TMEM132C: variants seen among roughly 807,000 people sequenced by gnomAD.
TMEM132C encodes the protein protein phosphatase 1, regulatory subunit 152.
Under a neutral mutation model 61.4 loss-of-function variants are expected in TMEM132C, and 29 were observed. That is an observed-to-expected ratio of 0.47 (90% CI 0.35 to 0.64). The LOEUF (loss-of-function observed/expected upper bound fraction) is 0.64, where lower values mean the gene tolerates loss of function less well. Among genes scored for constraint, TMEM132C ranks in the 30% least tolerant of loss-of-function variants. The probability of loss-of-function intolerance (pLI) is 0.00; values close to 1 mark genes in which losing one functional copy is unlikely to be tolerated. For missense variants in TMEM132C, 1,408 were observed against 1,476.9 expected, an observed-to-expected ratio of 0.95 and a Z score of 0.76; for synonymous variants, 656 against 633.1, an observed-to-expected ratio of 1.04 and a Z score of -0.54.
chr12:128,647,663 T>C (rs1954219660), intron 4 of TMEM132C, among the ~76,000 whole-genome samples: 1 of 151,216 alleles, frequency 6.6e-6, no homozygotes, highest in Admixed American at 6.6e-5. Flanking sequence ...TATGAGTGTG[T>C]TTACTGGAGT....
intron 2 of TMEM132C, among the ~76,000 whole-genome samples, chr12:128,471,064 G>A (rs1870934181): frequency 6.6e-6 from 1 of 152,170 alleles, no homozygotes; most frequent in African/African-American, 2.4e-5. Context: ...GTGGTGAGGT[G>A]CTCTCCTGTG....
chr12:128,649,222 G>A (rs1016936449), intron 4 of TMEM132C, among the ~76,000 whole-genome samples: 2 of 152,162 alleles, frequency 1.3e-5, no homozygotes, highest in African/African-American at 2.4e-5. Context: ...TCACACTCAT[G>A]CAAAGTGCGG....
chr12:128,389,273 AG>A (rs1484100400), intron 1 of TMEM132C, among the ~76,000 whole-genome samples: 1 of 152,232 alleles, frequency 6.6e-6, no homozygotes, highest in Non-Finnish European at 1.5e-5. Context: ...GTAGGAAAAG[AG>A]AGACACTAAG....
chr12:128,555,284 C>A (rs986643272), intron 3 of TMEM132C, among the ~76,000 whole-genome samples: 4 of 152,200 alleles, frequency 2.6e-5, no homozygotes, highest in Admixed American at 2.0e-4. Context: ...AATTCTGGAA[C>A]AGGAACGTGC....
rs1593050488 is a variant in TMEM132C, at chr12:128,429,932, A to G, written c.974+14312A>G. 2.0e-5 allele frequency among the ~76,000 whole-genome samples: 3 copies of G among 152,230 alleles called. No individual in the cohort carries two copies. In the South Asian group the frequency reaches 6.2e-4, roughly 32 times the overall value. ...CTAAAGGGTGCAGCGGACAGACACA[A>G]TTATGCCATCCTGAGATGCACATTG... On this transcript the variant is annotated intron_variant, in intron 2 of 8. Coordinates refer to ENST00000435159, the MANE Select transcript of TMEM132C (RefSeq NM_001136103.3).
chr12:128,328,581 G>GT (rs1277507055), intron 1 of TMEM132C, among the ~76,000 whole-genome samples: 4 of 152,120 alleles, frequency 2.6e-5, no homozygotes, highest in African/African-American at 9.7e-5. Flanking sequence ...GAGGTCAGGA[G>GT]TTTGAGACCA....
chr12:128,553,008 A>AG (rs1220462707), intron 3 of TMEM132C, among the ~76,000 whole-genome samples: 3 of 152,204 alleles, frequency 2.0e-5, no homozygotes, highest in Non-Finnish European at 4.4e-5. Context: ...GGTTAGAGAA[A>AG]GGGGTTAGCA....
At chr12:128,284,262 C>G (rs1870987654) in intron 1 of TMEM132C, among the ~76,000 whole-genome samples, 1 of 152,192 alleles carries the variant, frequency 6.6e-6, no homozygotes. Context: ...AGCATCTAAA[C>G]AGTCATTCGT....
At chr12:128,346,433 TC>T (rs1323791783) in intron 1 of TMEM132C, among the ~76,000 whole-genome samples, 1 of 152,212 alleles carries the variant, frequency 6.6e-6, no homozygotes, top group Non-Finnish European at 1.5e-5. Flanking sequence ...TTTTTCTAGT[TC>T]TGTGAAGTAT....
rs916271694 is a variant in TMEM132C at position 128,386,857 on chromosome 12, G to A, written c.86-27875G>A. On this transcript the variant is annotated intron_variant, in intron 1 of 8. Coordinates refer to ENST00000435159, the MANE Select transcript of TMEM132C (RefSeq NM_001136103.3). ...ATAAAACTGGAAATGGGAACAGTGT[G>A]GTGGCTCACACCTGTGATCCCAGTA... Among the ~76,000 whole-genome samples, 4 of 152,118 alleles carry A rather than the reference G, an allele frequency of 2.6e-5. No individual in the cohort carries two copies. In the East Asian group the frequency reaches 7.7e-4, roughly 29 times the overall value.
intron 1 of TMEM132C, among the ~76,000 whole-genome samples, chr12:128,322,078 C>G (rs1311278606): frequency 6.6e-6 from 1 of 152,220 alleles, no homozygotes; most frequent in Non-Finnish European, 1.5e-5. Flanking sequence ...TTTCCGTCCT[C>G]TCGAACCTGA....
intron 2 of TMEM132C, among the ~76,000 whole-genome samples, chr12:128,525,346 C>CTT (rs1276257134): frequency 0.03 from 4,025 of 133,856 alleles, 66 homozygotes; most frequent in East Asian, 0.055. Context: ...CTCTCTCTTT[C>CTT]TCTCTCTCTC....
intron 4 of TMEM132C, among the ~76,000 whole-genome samples, chr12:128,629,274 G>A (rs1266086643): frequency 6.6e-6 from 1 of 152,152 alleles, no homozygotes; most frequent in East Asian, 1.9e-4. Context: ...CAGCACTTCA[G>A]GAGGCCAAGA....
In TMEM132C at chr12:128,706,181, GA is replaced by G. The variant is rs1954838899; in HGVS notation, c.3215del (p.Asn1072ThrfsTer41). The G allele has an allele frequency of 6.4e-7, 1 of 1,550,968 alleles. No homozygotes were observed. The highest frequency in any genetic ancestry group is 2.4e-5 in the East Asian group (1 of 40,858). ...IPPDDSCPTV[N>X]SIVSSNDEDI... ...CCCCGGACGACAGCTGCCCCACGGT[GA>G]ACTCCATCGTCAGCAGCAATGATGA... is the stretch of plus-strand genomic sequence containing the variant. On this transcript the variant is annotated frameshift_variant, in exon 9 of 9. Coordinates refer to ENST00000435159, the MANE Select transcript of TMEM132C (RefSeq NM_001136103.3). LOFTEE classifies it low-confidence loss of function (END_TRUNC).
At chr12:128,631,878 C>A (rs60225690) in intron 4 of TMEM132C, among the ~76,000 whole-genome samples, 1 of 152,202 alleles carries the variant, frequency 6.6e-6, no homozygotes, top group Non-Finnish European at 1.5e-5. Context: ...TTCCTCCTAA[C>A]GGTATTGTCA....
chr12:128,286,007 C>A (rs1457935002), intron 1 of TMEM132C, among the ~76,000 whole-genome samples: 1 of 146,706 alleles, frequency 6.8e-6, no homozygotes, highest in Non-Finnish European at 1.5e-5. Context: ...CTCCCCATCT[C>A]TATCCCTCTC....
chr12:128,358,560 C>G (rs1873594250), intron 1 of TMEM132C, among the ~76,000 whole-genome samples: 1 of 148,458 alleles, frequency 6.7e-6, no homozygotes, highest in Non-Finnish European at 1.5e-5. Flanking sequence ...CCTAAAGAAC[C>G]AGTACGTGGC....
chr12:128,493,856 G>A (rs958792265), intron 2 of TMEM132C, among the ~76,000 whole-genome samples: 3 of 152,092 alleles, frequency 2.0e-5, no homozygotes, highest in Non-Finnish European at 2.9e-5. Context: ...TCTCCTGCCT[G>A]ATTGCCCTGG....
chr12:128,623,468 CA>C (rs56335710), intron 4 of TMEM132C, among the ~76,000 whole-genome samples: 16,995 of 143,096 alleles, frequency 0.12, 1,090 homozygotes, highest in African/African-American at 0.18. Flanking sequence ...TGAAACCTGC[CA>C]AAAAAAAAAG....
Sources: gnomAD v4.1 joint callset for allele counts (sites outside exome capture counted in the v4.1 genomes callset) on GRCh38, gnomAD v4.1.1 for gene constraint, MANE v1.5 for transcripts, NCBI Gene and HGNC (gene_info 2026-07-23, HGNC 2026-07-21) for gene names.